GRIN2A: variants seen among roughly 807,000 people sequenced by gnomAD.
The protein encoded by GRIN2A is glutamate receptor ionotropic, NMDA 2A.
A neutral mutation model predicts 113.4 loss-of-function variants in GRIN2A; 22 were observed. The observed-to-expected ratio is 0.19, with a 90% CI of 0.14 to 0.28. The LOEUF is 0.28. Ranked by LOEUF, GRIN2A falls within the 10% of genes least tolerant of loss-of-function variation. The pLI, the probability that GRIN2A is intolerant of heterozygous loss-of-function variation, is 1.00. For synonymous variants in GRIN2A, 827 were observed against 738.4 expected (o/e 1.12, Z -1.94); for missense variants, 1,502 against 1,887.0 (o/e 0.80, Z 3.78).
chr16:10,144,028 ATGAACATGAG>A (rs1050486138), intron 2 of GRIN2A, among the ~76,000 whole-genome samples: 1 of 152,148 alleles, frequency 6.6e-6, no homozygotes, highest in Admixed American at 6.5e-5. Flanking sequence ...TAATGCCATA[ATGAACATGAG>A]TGAACATGAG....
chr16:9,943,214 T>C (rs920939947), intron 2 of GRIN2A: 1 of 152,236 alleles, frequency 6.6e-6, no homozygotes. Flanking sequence ...TTCCTTAGAA[T>C]GTGCAGCTGG....
At chr16:9,849,511 A>G (rs1011746144) in intron 5 of GRIN2A, among the ~76,000 whole-genome samples, 11 of 152,030 alleles carry the variant, frequency 7.2e-5, no homozygotes, top group Non-Finnish European at 1.3e-4. Flanking sequence ...ACTCGGTTTT[A>G]TCATATTTAC....
chr16:10,160,524 G>T (rs2049789199), intron 2 of GRIN2A, among the ~76,000 whole-genome samples: 1 of 152,180 alleles, frequency 6.6e-6, no homozygotes, highest in South Asian at 2.1e-4. Flanking sequence ...TAACAAGAAG[G>T]ATCAAAGCCC....
intron 2 of GRIN2A, among the ~76,000 whole-genome samples, chr16:10,077,166 C>A (rs1161108094): frequency 6.6e-6 from 1 of 152,170 alleles, no homozygotes; most frequent in Non-Finnish European, 1.5e-5. Context: ...ATGGATTCTC[C>A]CCTGCAGCCT....
At chr16:9,784,312 C>A (rs1162617378) in intron 11 of GRIN2A, among the ~76,000 whole-genome samples, 1 of 151,810 alleles carries the variant, frequency 6.6e-6, no homozygotes, top group Non-Finnish European at 1.5e-5. Context: ...TGCCTGTAAT[C>A]CCAGCTACTC....
chr16:10,061,389 A>T (rs1315189544), intron 2 of GRIN2A, among the ~76,000 whole-genome samples: 1 of 152,214 alleles, frequency 6.6e-6, no homozygotes, highest in Admixed American at 6.5e-5. Context: ...AGGCTTATTT[A>T]TTGGCAAACA....
At chr16:10,108,843 T>A (rs1294311331) in intron 2 of GRIN2A, among the ~76,000 whole-genome samples, 2 of 151,858 alleles carry the variant, frequency 1.3e-5, no homozygotes, top group African/African-American at 4.8e-5. Flanking sequence ...CATAAAATAA[T>A]TACACATAGA....
chr16:9,893,709 C>T (rs1400840363), intron 3 of GRIN2A, among the ~76,000 whole-genome samples: 1 of 152,082 alleles, frequency 6.6e-6, no homozygotes, highest in African/African-American at 2.4e-5. Context: ...TCAGGTGATC[C>T]GCCTGCCTCT....
At chr16:9,985,806 C>T (rs1321248973) in intron 2 of GRIN2A, among the ~76,000 whole-genome samples, 2 of 152,010 alleles carry the variant, frequency 1.3e-5, no homozygotes, top group Admixed American at 1.3e-4. Context: ...TGACTACAGT[C>T]AACAATTTAT....
At chr16:10,076,512 C>A (rs13331428) in intron 2 of GRIN2A, among the ~76,000 whole-genome samples, 21,210 of 152,042 alleles carry the variant, frequency 0.14, 1,996 homozygotes, top group African/African-American at 0.27. Context: ...GGCCCTCCCA[C>A]GCACTAGGAT....
At chr16:9,783,752 G>A (rs981880) in intron 11 of GRIN2A, among the ~76,000 whole-genome samples, 63,234 of 152,068 alleles carry the variant, frequency 0.42, 13,708 homozygotes, top group African/African-American at 0.54. Flanking sequence ...TGTACTCAAC[G>A]TCTGCCAATC....
At chr16:9,774,766 A>G (rs1901495348) in intron 11 of GRIN2A, among the ~76,000 whole-genome samples, 1 of 152,242 alleles carries the variant, frequency 6.6e-6, no homozygotes, top group Non-Finnish European at 1.5e-5. Context: ...ACGATGTTGC[A>G]TACACACAGT....
At chr16:9,895,216 A>G (rs1303778316) in intron 3 of GRIN2A, among the ~76,000 whole-genome samples, 2 of 152,236 alleles carry the variant, frequency 1.3e-5, no homozygotes, top group Non-Finnish European at 2.9e-5. Flanking sequence ...GGCTAATTCT[A>G]TGGTGATTCC....
intron 2 of GRIN2A, among the ~76,000 whole-genome samples, chr16:10,000,795 A>T (rs781553158): frequency 6.6e-6 from 1 of 151,562 alleles, no homozygotes; most frequent in African/African-American, 2.4e-5. Flanking sequence ...TTATTTTTCT[A>T]TTTCTCCAGA....
chr16:9,886,636 T>A (rs1317297115), intron 4 of GRIN2A, among the ~76,000 whole-genome samples: 2 of 152,182 alleles, frequency 1.3e-5, no homozygotes, highest in Non-Finnish European at 2.9e-5. Context: ...TTGTTTATGA[T>A]GGACTCCAAG....
chr16:10,055,456 A>G (rs2047441989), intron 2 of GRIN2A, among the ~76,000 whole-genome samples: 2 of 152,224 alleles, frequency 1.3e-5, no homozygotes, highest in Non-Finnish European at 2.9e-5. Flanking sequence ...GAGAAAAAGA[A>G]AAGATTTAAA....
rs2141629232 is a variant in GRIN2A at position 9,937,972 on chromosome 16, G to A, written c.994C>T (p.His332Tyr). ...GQMERPEVPMHTLHPFMVNVT... is the reference protein window; with the variant it reads ...GQMERPEVPMYTLHPFMVNVT... ...GCCCTTTCTTACGGGTGCAAGGTGT[G>A]CATCGGGACCTCTGGCCTCTCCATC... is the stretch of plus-strand genomic sequence containing the variant. The change falls in exon 3 of 13, where the codon CAC becomes TAC. Residue 332 changes from histidine to tyrosine, a missense_variant. Coordinates refer to ENST00000330684, the MANE Select transcript of GRIN2A (RefSeq NM_001134407.3). The A allele has an allele frequency of 6.2e-7, 1 of 1,612,702 alleles. No individual in the cohort carries two copies. The highest frequency in any genetic ancestry group is 8.5e-7 in the Non-Finnish European group (1 of 1,178,806).
chr16:9,979,945 T>A (rs1473356301), intron 2 of GRIN2A, among the ~76,000 whole-genome samples: 6 of 151,314 alleles, frequency 4.0e-5, no homozygotes. Context: ...ACTCTGGTGA[T>A]ATTGGAAAAT....
At chr16:10,082,937 CTG>C (rs1238985320) in intron 2 of GRIN2A, among the ~76,000 whole-genome samples, 2 of 39,468 alleles carry the variant, frequency 5.1e-5, no homozygotes, top group Non-Finnish European at 1.4e-4. Flanking sequence ...TTTTCTTTTC[CTG>C]TCATTCTTTT....
Sources: gnomAD v4.1 joint callset for allele counts (sites outside exome capture counted in the v4.1 genomes callset) on GRCh38, gnomAD v4.1.1 for gene constraint, MANE v1.5 for transcripts, NCBI Gene and HGNC (gene_info 2026-07-23, HGNC 2026-07-21) for gene names.